SEC11A: variants seen among roughly 807,000 people sequenced by gnomAD.
The protein encoded by SEC11A is signal peptidase complex catalytic subunit SEC11A.
In SEC11A, 14 loss-of-function variants were observed where a neutral mutation model predicts 25.6. The ratio of observed to expected loss-of-function variants is 0.55; its 90% CI spans 0.36 to 0.85. SEC11A has a LOEUF of 0.85. Among genes scored for constraint, SEC11A ranks in the 40% least tolerant of loss-of-function variants. SEC11A has a pLI of 0.01. For synonymous variants in SEC11A, 83 were observed against 76.4 expected (o/e 1.09, Z -0.45); for missense variants, 153 against 222.9 (o/e 0.69, Z 2.00).
chr15:84,694,829 C>A (rs777889267), intron 1 of SEC11A, among the ~76,000 whole-genome samples: 1 of 151,920 alleles, frequency 6.6e-6, no homozygotes, highest in Non-Finnish European at 1.5e-5. Context: ...CAGTGGCTCA[C>A]GCCTGTAATC....
At chr15:84,693,862 T>C (rs1248775565) in intron 1 of SEC11A, among the ~76,000 whole-genome samples, 1 of 152,080 alleles carries the variant, frequency 6.6e-6, no homozygotes, top group African/African-American at 2.4e-5. Context: ...GTAGTTGTAG[T>C]TAGGGGTGAA....
At chr15:84,696,781 T>C (rs1897780013) in intron 1 of SEC11A, among the ~76,000 whole-genome samples, 1 of 152,084 alleles carries the variant, frequency 6.6e-6, no homozygotes. Flanking sequence ...AAACCCACAG[T>C]TCACGTCTAT....
intron 4 of SEC11A, among the ~76,000 whole-genome samples, chr15:84,676,403 T>C (rs1897133421): frequency 6.7e-6 from 1 of 149,954 alleles, no homozygotes; most frequent in South Asian, 2.1e-4. Context: ...GAGGTGGGGG[T>C]TGCCGTGATC....
Position 84,680,595 on chromosome 15 carries a change from G to A in SEC11A, c.431+118C>T, listed in dbSNP as rs542794067. Reference sequence around the variant, plus strand: ...CAAAATTTTCAAAGGACACAAGGGTGATTTGGTGGAACCAGAACCAAATCT... The same window carrying A: ...CAAAATTTTCAAAGGACACAAGGGTAATTTGGTGGAACCAGAACCAAATCT... On this transcript the variant is annotated intron_variant, in intron 4 of 5. Transcript: ENST00000268220. 9 of 1,083,212 alleles carry A rather than the reference G, an allele frequency of 8.3e-6. No individual in the cohort carries two copies. In the South Asian group the frequency reaches 2.5e-4, roughly 30 times the overall value. The allele number at this position is 1,083,212 out of a possible 1,614,324, so 67.1% of individuals were successfully genotyped here.
At chr15:84,685,256 C>CTTTTCTT (rs1897384968) in intron 3 of SEC11A, among the ~76,000 whole-genome samples, 1 of 151,818 alleles carries the variant, frequency 6.6e-6, no homozygotes, top group African/African-American at 2.4e-5. Context: ...ATTTCTTTTT[C>CTTTTCTT]TTTTCTTTTT....
rs768654326 is a variant in SEC11A at position 84,687,750 on chromosome 15, A to T, written c.186T>A (p.His62Gln). 5 of 1,600,166 alleles carry T rather than the reference A, an allele frequency of 3.1e-6. No individual in the cohort carries two copies. Among genetic ancestry groups the T allele is most frequent in the Non-Finnish European group, 4.2e-6 (5 of 1,176,768 alleles). ...TTGTTAGAAAGAGAAGATCTCCTCT[A>T]TGAAATGCAGGTTCCATGCTGCCAC... ...VLSGSMEPAF[H>Q]RGDLLFLTNR... Residue 62 changes from histidine to glutamine, a missense_variant, in exon 3 of 6, where the codon CAT becomes CAA. Coordinates refer to ENST00000268220, the MANE Select transcript of SEC11A (RefSeq NM_014300.4).
At chr15:84,690,312 C>T (rs1341305352) in intron 2 of SEC11A, among the ~76,000 whole-genome samples, 2 of 152,186 alleles carry the variant, frequency 1.3e-5, no homozygotes, top group Non-Finnish European at 2.9e-5. Context: ...TGAGACCTGC[C>T]TTTCACCTTC....
At chr15:84,710,951 T>C (rs1040286665) in intron 1 of SEC11A, among the ~76,000 whole-genome samples, 3 of 151,308 alleles carry the variant, frequency 2.0e-5, no homozygotes, top group Non-Finnish European at 2.9e-5. Flanking sequence ...GCACCTATAG[T>C]CCCAGCTACT....
chr15:84,690,715 T>A (rs1054217622), intron 2 of SEC11A, among the ~76,000 whole-genome samples: 1 of 152,180 alleles, frequency 6.6e-6, no homozygotes, highest in Non-Finnish European at 1.5e-5. Context: ...AGAGATGGTA[T>A]TAATGCCTTC....
At chr15:84,709,007 G>A (rs768243526) in intron 1 of SEC11A, among the ~76,000 whole-genome samples, 20 of 151,882 alleles carry the variant, frequency 1.3e-4, no homozygotes, top group Non-Finnish European at 2.4e-4. Flanking sequence ...AGTGGCCTGC[G>A]GGGAGCTAAG....
chr15:84,696,752 T>C (rs1897779151), intron 1 of SEC11A, among the ~76,000 whole-genome samples: 1 of 152,110 alleles, frequency 6.6e-6, no homozygotes, highest in African/African-American at 2.4e-5. Context: ...AAATAAAAAC[T>C]AAAAACAAAA....
At chr15:84,676,594 G>A (rs1897141003) in intron 4 of SEC11A, among the ~76,000 whole-genome samples, 1 of 151,792 alleles carries the variant, frequency 6.6e-6, no homozygotes, top group South Asian at 2.1e-4. Flanking sequence ...CTAACATGGT[G>A]AAACCCTGTT....
In SEC11A at chr15:84,670,765, C is replaced by T; in HGVS notation, c.449G>A (p.Gly150Glu). The T allele has an allele frequency of 6.9e-7, 1 of 1,458,268 alleles. No homozygotes were observed. Among genetic ancestry groups the T allele is most frequent in the Non-Finnish European group, 9.4e-7 (1 of 1,065,552 alleles). 90.3% of individuals were successfully genotyped at this position (1,458,268 alleles called of 1,614,324 possible). A position where few individuals can be genotyped will look rare whatever the true frequency, so the allele number is the denominator to read the frequency against. ...GRARGFVPYI[G>E]IVTILMNDYP... is the part of the protein sequence containing the mutation. ...GTCATTCATGAGGATCGTCACAATT[C>T]CAATATAAGGAACAAATCTAAAACA... Residue 150 changes from glycine (G) to glutamate (E), a missense_variant, in exon 5 of 6, where the codon GGA becomes GAA. By Grantham distance (98) the Gly-to-Glu change is moderately conservative. Coordinates refer to ENST00000268220, the MANE Select transcript of SEC11A (RefSeq NM_014300.4).
At chr15:84,674,219 TTA>T (rs940883534) in intron 4 of SEC11A, among the ~76,000 whole-genome samples, 1 of 150,108 alleles carries the variant, frequency 6.7e-6, no homozygotes, top group Non-Finnish European at 1.5e-5. Context: ...TTATATATAT[TTA>T]TATATATATA....
intron 4 of SEC11A, chr15:84,679,164 T>A: frequency 1.7e-6 from 1 of 582,196 alleles, no homozygotes; most frequent in Non-Finnish European, 2.7e-6. Context: ...TACATGAATC[T>A]GTACATTTAT....
At chr15:84,704,676 T>C (rs1596082636) in intron 1 of SEC11A, among the ~76,000 whole-genome samples, 1 of 152,226 alleles carries the variant, frequency 6.6e-6, no homozygotes, top group African/African-American at 2.4e-5. Context: ...CCACACTCAC[T>C]CTCTGCCAAA....
intron 2 of SEC11A, among the ~76,000 whole-genome samples, chr15:84,690,092 A>G (rs2141894094): frequency 6.6e-6 from 1 of 152,228 alleles, no homozygotes; most frequent in Non-Finnish European, 1.5e-5. Context: ...ACACAGTGAG[A>G]TCCTATCTGC....
At chr15:84,706,613 T>C (rs1898100929) in intron 1 of SEC11A, among the ~76,000 whole-genome samples, 1 of 152,238 alleles carries the variant, frequency 6.6e-6, no homozygotes, top group Non-Finnish European at 1.5e-5. Context: ...GCTATGATCA[T>C]GTGACCAATT....
At chr15:84,701,473 T>C (rs184592588) in intron 1 of SEC11A, among the ~76,000 whole-genome samples, 1 of 150,632 alleles carries the variant, frequency 6.6e-6, no homozygotes, top group East Asian at 2.0e-4. Context: ...GCATAATAGA[T>C]ACTTATATTT....
Sources: allele counts gnomAD v4.1 joint callset (sites outside exome capture counted in the v4.1 genomes callset), GRCh38; gene constraint gnomAD v4.1.1; transcripts MANE v1.5; gene names NCBI Gene and HGNC (gene_info 2026-07-23, HGNC 2026-07-21).